Variants in PDE4D observed in about 807,000 individuals in gnomAD.
PDE4D encodes the protein phosphodiesterase 4D.
A neutral mutation model predicts 87.4 loss-of-function variants in PDE4D; 24 were observed. The observed-to-expected ratio is 0.27, with a 90% CI of 0.20 to 0.39. The LOEUF (loss-of-function observed/expected upper bound fraction) is 0.39. PDE4D is among the 10% of genes least tolerant of loss of function. The pLI is 1.00. For synonymous variants in PDE4D, 384 were observed against 383.2 expected, an observed-to-expected ratio of 1.00 and a Z score of -0.02; for missense variants, 714 against 1,041.0, an observed-to-expected ratio of 0.69 and a Z score of 4.32.
intron 1 of PDE4D, among the ~76,000 whole-genome samples, chr5:59,861,439 T>A (rs1051417943): frequency 1.3e-5 from 2 of 152,162 alleles, no homozygotes; most frequent in African/African-American, 4.8e-5. Flanking sequence ...ATAGGTAGAC[T>A]TCTACTTCTA....
chr5:60,122,551 T>G (rs1479469214), intron 2 of PDE4D, among the ~76,000 whole-genome samples: 1 of 152,212 alleles, frequency 6.6e-6, no homozygotes, highest in Non-Finnish European at 1.5e-5. Context: ...TGGCCCCTTT[T>G]AGTCACAGCT....
At chr5:59,032,422 A>G (rs569104532) in intron 6 of PDE4D, among the ~76,000 whole-genome samples, 2 of 152,146 alleles carry the variant, frequency 1.3e-5, no homozygotes, top group African/African-American at 4.8e-5. Flanking sequence ...TCTACTCAAA[A>G]TACAAAAATT....
At chr5:59,686,683 A>C (rs192168214) in intron 1 of PDE4D, among the ~76,000 whole-genome samples, 3 of 152,252 alleles carry the variant, frequency 2.0e-5, no homozygotes, top group Admixed American at 2.0e-4. Flanking sequence ...GTTATATCTC[A>C]ACACAACAAA....
chr5:60,284,526 T>C (rs757240355), intron 1 of PDE4D, among the ~76,000 whole-genome samples: 4 of 152,196 alleles, frequency 2.6e-5, no homozygotes, highest in Non-Finnish European at 4.4e-5. Flanking sequence ...AAGTGTGTTA[T>C]CTGCTTTTAG....
At chr5:59,587,036 G>T (rs1346548634) in intron 1 of PDE4D, 2 of 976,928 alleles carry the variant, frequency 2.0e-6, no homozygotes, top group African/African-American at 3.5e-5. Context: ...TGCAAAAGTA[G>T]GAAGGCAATG....
Position 60,025,276 on chromosome 5 carries a change from T to C in PDE4D, c.43-36559A>G, listed in dbSNP as rs75726174. Among the ~76,000 whole-genome samples the C allele has an allele frequency of 3.4e-4, 51 of 152,144 alleles. No individual in the cohort carries two copies. The East Asian group carries it at 9.5e-3, about 28-fold the overall frequency. On this transcript the variant is annotated intron_variant, in intron 2 of 16. Coordinates refer to the PDE4D transcript ENST00000502484. Reference sequence around the variant, plus strand: ...CAAGATGTGAGCATTAGAAGAAAAATGTTAGACTCACATCTATGTTAAGCA... The same window carrying C: ...CAAGATGTGAGCATTAGAAGAAAAACGTTAGACTCACATCTATGTTAAGCA...
intron 1 of PDE4D, among the ~76,000 whole-genome samples, chr5:59,285,325 G>A (rs915788819): frequency 1.3e-5 from 2 of 151,892 alleles, no homozygotes; most frequent in African/African-American, 4.8e-5. Flanking sequence ...TAAATCTTTG[G>A]TCAACGGTGG....
intron 1 of PDE4D, among the ~76,000 whole-genome samples, chr5:59,413,109 G>T (rs1792972298): frequency 1.3e-5 from 2 of 152,136 alleles, no homozygotes; most frequent in African/African-American, 4.8e-5. Context: ...TCAGGAAAAA[G>T]AAACTCAAGT....
intron 2 of PDE4D, chr5:60,033,062 TC>T (rs1767413948): frequency 6.6e-6 from 1 of 152,184 alleles, no homozygotes; most frequent in Admixed American, 6.5e-5. Context: ...AGAGATCATG[TC>T]CAGGTCTATC....
rs1307660569 is a variant in PDE4D, at chr5:60,167,214, A to G, written c.42+18343T>C. On this transcript the variant is annotated intron_variant, in intron 2 of 16. Coordinates refer to the PDE4D transcript ENST00000502484. ...TTTTTGATGCTGTCACATAAATCTCATATGCTTTCTTCCTTCCTTTCATTC... is the reference window on the plus strand; with the variant it reads ...TTTTTGATGCTGTCACATAAATCTCGTATGCTTTCTTCCTTCCTTTCATTC... Among the ~76,000 whole-genome samples, 8 of 145,720 alleles carry G rather than the reference A, an allele frequency of 5.5e-5. No homozygotes were observed. In the East Asian group the frequency reaches 1.6e-3, roughly 30 times the overall value.
intron 1 of PDE4D, among the ~76,000 whole-genome samples, chr5:59,612,437 A>G (rs1163517274): frequency 6.6e-6 from 1 of 152,194 alleles, no homozygotes; most frequent in Non-Finnish European, 1.5e-5. Context: ...AGGAAGATAG[A>G]CAGTAATTAT....
intron 1 of PDE4D, among the ~76,000 whole-genome samples, chr5:59,674,373 C>T (rs1747721857): frequency 6.6e-6 from 1 of 152,150 alleles, no homozygotes; most frequent in Non-Finnish European, 1.5e-5. Flanking sequence ...CCACTACTCA[C>T]CCAACCCTCG....
intron 3 of PDE4D, among the ~76,000 whole-genome samples, chr5:59,188,152 G>A (rs1184101412): frequency 6.6e-6 from 1 of 152,066 alleles, no homozygotes; most frequent in Admixed American, 6.5e-5. Flanking sequence ...TGTAGTCAAA[G>A]CTTTAAGGCT....
At chr5:59,921,106 C>T (rs564783598) in intron 3 of PDE4D, among the ~76,000 whole-genome samples, 5 of 152,248 alleles carry the variant, frequency 3.3e-5, no homozygotes, top group Admixed American at 1.3e-4. Context: ...CATAAAACAT[C>T]CTTACTAAAT....
At chr5:59,059,820 T>C (rs1173076502) in intron 5 of PDE4D, among the ~76,000 whole-genome samples, 1 of 152,180 alleles carries the variant, frequency 6.6e-6, no homozygotes, top group Non-Finnish European at 1.5e-5. Context: ...TGCAGACTGA[T>C]ATTAAATATT....
intron 1 of PDE4D, among the ~76,000 whole-genome samples, chr5:60,483,803 T>G (rs1276272236): frequency 6.6e-6 from 1 of 152,180 alleles, no homozygotes; most frequent in Admixed American, 6.5e-5. Flanking sequence ...ATCCACTCCA[T>G]TTTAATACGT....
intron 5 of PDE4D, among the ~76,000 whole-genome samples, chr5:59,086,962 C>T (rs1767807898): frequency 6.6e-6 from 1 of 152,116 alleles, no homozygotes; most frequent in Non-Finnish European, 1.5e-5. Context: ...ATTCTACCTC[C>T]ACATCAACAT....
intron 5 of PDE4D, among the ~76,000 whole-genome samples, chr5:59,120,366 G>A (rs553200926): frequency 6.6e-6 from 1 of 152,266 alleles, no homozygotes; most frequent in African/African-American, 2.4e-5. Context: ...ACTTCACTAA[G>A]AGGAGGTCAG....
intron 5 of PDE4D, among the ~76,000 whole-genome samples, chr5:59,123,522 A>G (rs754210898): frequency 6.6e-6 from 1 of 152,164 alleles, no homozygotes; most frequent in Non-Finnish European, 1.5e-5. Context: ...TTATCTTGCC[A>G]TCAAAATATT....
Sources: allele counts gnomAD v4.1 joint callset (sites outside exome capture counted in the v4.1 genomes callset), GRCh38; gene constraint gnomAD v4.1.1; transcripts MANE v1.5; gene names NCBI Gene and HGNC (gene_info 2026-07-23, HGNC 2026-07-21).